Variants in DIXDC1 observed in about 807,000 individuals in gnomAD.
DIXDC1 encodes the protein dixin.
A neutral mutation model predicts 103.1 loss-of-function variants in DIXDC1; 64 were observed. The observed-to-expected ratio is 0.62, with a 90% confidence interval of 0.51 to 0.76. The LOEUF (loss-of-function observed/expected upper bound fraction) is 0.76, where lower values mean the gene tolerates loss of function less well. DIXDC1 is among the 30% of genes least tolerant of loss of function. The pLI, the probability that DIXDC1 is intolerant of heterozygous loss-of-function variation, is 0.00. For synonymous variants in DIXDC1, 266 were observed against 298.5 expected (o/e 0.89, Z 1.12); for missense variants, 759 against 834.2 (o/e 0.91, Z 1.11).
chr11:111,993,059 C>A, intron 12 of DIXDC1, 55 bp downstream of exon 12: 2 of 1,523,764 alleles, frequency 1.3e-6, no homozygotes, highest in Non-Finnish European at 1.8e-6. Context: ...ATGAACAGCC[C>A]GTTATTGTTG....
chr11:111,953,245 T>C (rs868962664), intron 1 of DIXDC1, among the ~76,000 whole-genome samples: 2 of 152,076 alleles, frequency 1.3e-5, no homozygotes, highest in South Asian at 2.1e-4. Context: ...TACATGGGAA[T>C]GCGGTGGAAA....
At position 111,995,491 on chromosome 11, in the gene DIXDC1, G is replaced by C; in HGVS notation, c.1616G>C (p.Ser539Thr). ...GHDPQHHTID[S>T]LEQGISSLME... ...GATCCTCAGCACCACACTATTGACA[G>C]CTTGGAGCAGGGCATTTCTAGCCTC... The change falls in exon 16 of 20, where the codon AGC becomes ACC. Residue 539 changes from serine to threonine, a missense_variant. By Grantham distance (58) the Ser-to-Thr change is moderately conservative (BLOSUM62 1). Transcript: ENST00000440460. 1 of 1,614,002 alleles carries C rather than the reference G, an allele frequency of 6.2e-7. No homozygotes were observed. Among genetic ancestry groups the C allele is most frequent in the Admixed American group, 1.7e-5 (1 of 60,022 alleles).
chr11:111,987,565 CT>C (rs1555174016), intron 9 of DIXDC1, among the ~76,000 whole-genome samples: 1 of 151,608 alleles, frequency 6.6e-6, no homozygotes, highest in East Asian at 1.9e-4. Flanking sequence ...TCAGTGATTC[CT>C]AGCTTTTCTT....
chr11:111,987,660 A>ATT (rs11397376), intron 9 of DIXDC1, among the ~76,000 whole-genome samples: 2,951 of 139,214 alleles, frequency 0.021, 128 homozygotes, highest in African/African-American at 0.065. Context: ...ATAGACATGA[A>ATT]TTTTTTTTTT....
chr11:111,929,987 T>C (rs1336920898), intron 2 of DIXDC1: 2 of 1,340,742 alleles, frequency 1.5e-6, no homozygotes, highest in African/African-American at 1.5e-5. Context: ...TCTGGGGATT[T>C]CTCCATCAGG....
chr11:111,974,688 T>C (rs1860041167), intron 4 of DIXDC1, among the ~76,000 whole-genome samples, 188 bp from the exon 5 acceptor site: 1 of 152,162 alleles, frequency 6.6e-6, no homozygotes, highest in Non-Finnish European at 1.5e-5. Context: ...CCTGAGGTGT[T>C]GCACAGGTTG....
intron 2 of DIXDC1, among the ~76,000 whole-genome samples, chr11:111,966,450 C>T (rs1304081988): frequency 2.9e-5 from 4 of 137,484 alleles, no homozygotes; most frequent in Admixed American, 1.6e-4. Flanking sequence ...GTGGCCCAGG[C>T]GGGAGTGCAG....
At chr11:111,946,901 C>T (rs1425860347) in intron 1 of DIXDC1, 5 of 256,510 alleles carry the variant, frequency 1.9e-5, no homozygotes, top group East Asian at 7.7e-5. Flanking sequence ...ATTCTGAGTG[C>T]CTATGGACAC....
chr11:111,972,168 G>T (rs782430916), intron 3 of DIXDC1, among the ~76,000 whole-genome samples: 2 of 152,184 alleles, frequency 1.3e-5, no homozygotes, highest in African/African-American at 2.4e-5. Flanking sequence ...CCTTTTCCAA[G>T]ACTTGTATAT....
intron 1 of DIXDC1, among the ~76,000 whole-genome samples, chr11:111,940,923 A>C (rs1242822213): frequency 6.6e-6 from 1 of 152,200 alleles, no homozygotes; most frequent in Middle Eastern, 3.2e-3. Flanking sequence ...CCAATAACAT[A>C]GAGTCTGTGC....
At chr11:111,946,619 C>G in intron 1 of DIXDC1, 1 of 223,982 alleles carries the variant, frequency 4.5e-6, no homozygotes, top group Non-Finnish European at 9.6e-6. Flanking sequence ...CCTCAGCCTC[C>G]CAAAGTGCTA....
rs1860167653 is a variant in DIXDC1, at chr11:111,977,866, G to C, written c.657-2871G>C. On this transcript the variant is annotated intron_variant, in intron 5 of 19. Coordinates refer to ENST00000440460, the MANE Select transcript of DIXDC1 (RefSeq NM_001037954.4). The surrounding 1 kb of genome is among the most constrained non-coding windows in gnomAD (Gnocchi z 6.1). The stretch of plus-strand genomic sequence containing the variant: ...AACAGGGGCAGGGCTGGAGGATGCT[G>C]TTGGCCGGAGACAGGCGGGGTGGTG... 5 of 1,475,464 alleles carry C rather than the reference G, an allele frequency of 3.4e-6. No individual in the cohort carries two copies. Among genetic ancestry groups the C allele is most frequent in the Non-Finnish European group, 4.5e-6 (5 of 1,111,188 alleles). 91.4% of individuals were successfully genotyped at this position (1,475,464 alleles called of 1,614,324 possible). A position where few individuals can be genotyped will look rare whatever the true frequency, so the allele number is the denominator to read the frequency against.
In DIXDC1 at chr11:112,017,600, G is replaced by C; in HGVS notation, c.1863-177G>C. The stretch of plus-strand genomic sequence containing the variant: ...TATTTAATACTGTTTTCATTCCCTA[G>C]TGATGACTGGTTCTCCAGCCTCTGC... On this transcript the variant is annotated intron_variant, in intron 18 of 19. Coordinates refer to ENST00000440460, the MANE Select transcript of DIXDC1 (RefSeq NM_001037954.4). The surrounding 1 kb of genome is among the most constrained non-coding windows in gnomAD (Gnocchi z 4.0). 2.0e-6 allele frequency: 1 copy of C among 490,008 alleles called. No individual in the cohort carries two copies. Among genetic ancestry groups the C allele is most frequent in the East Asian group, 3.4e-5 (1 of 29,392 alleles). 30.4% of individuals were successfully genotyped at this position (490,008 alleles called of 1,614,324 possible). A position where few individuals can be genotyped will look rare whatever the true frequency, so the allele number is the denominator to read the frequency against.
intron 1 of DIXDC1, among the ~76,000 whole-genome samples, chr11:111,928,801 GT>G (rs1449678488): frequency 6.6e-6 from 1 of 152,012 alleles, no homozygotes; most frequent in Non-Finnish European, 1.5e-5. Context: ...CATTAACTCT[GT>G]TTTCAAAGAT....
At chr11:111,938,894 A>G (rs1966313488) in intron 1 of DIXDC1, among the ~76,000 whole-genome samples, 2 of 152,232 alleles carry the variant, frequency 1.3e-5, no homozygotes, top group Non-Finnish European at 2.9e-5. Context: ...AGGGCACCTC[A>G]TCTTTGCATC....
intron 17 of DIXDC1, among the ~76,000 whole-genome samples, chr11:112,003,207 G>A (rs35823624): frequency 0.31 from 47,058 of 151,992 alleles, 8,308 homozygotes; most frequent in East Asian, 0.58. Context: ...TTATTGTATA[G>A]TTTGAAATAG....
At position 111,989,792 on chromosome 11, in the gene DIXDC1, C is replaced by CT. The variant is rs1389169599; in HGVS notation, c.1113+751dup. ...ATCTAGTTCTCTTTCCTAGAGGCAT[C>CT]TTTTTTTTTTTTTTGAAACGGAGTC... On this transcript the variant is annotated intron_variant, in intron 10 of 19. Coordinates refer to ENST00000440460, the MANE Select transcript of DIXDC1 (RefSeq NM_001037954.4). 5.2e-3 allele frequency among the ~76,000 whole-genome samples: 744 copies of CT among 143,020 alleles called. 2 individuals carry two copies. The highest frequency in any genetic ancestry group is 0.015 in the African/African-American group (591 of 39,292). 93.8% of individuals were successfully genotyped at this position (143,020 alleles called of 152,430 possible).
At position 111,937,505 on chromosome 11, in the gene DIXDC1, A is replaced by T; in HGVS notation, c.6A>T (p.Leu2=). Residue 2 remains leucine, a synonymous_variant, in exon 1 of 20, where the codon CTA becomes CTT. Coordinates refer to ENST00000440460, the MANE Select transcript of DIXDC1 (RefSeq NM_001037954.4). M[L]ACLTRGNLLD... ...GGGAGCCCCCAGCAGGAACAATGCT[A>T]GCCTGCCTGACCCGAGGGAACTTAC... 1 of 1,590,466 alleles carries T rather than the reference A, an allele frequency of 6.3e-7. No homozygotes were observed. Among genetic ancestry groups the T allele is most frequent in the Non-Finnish European group, 8.6e-7 (1 of 1,168,914 alleles).
In DIXDC1 at chr11:111,977,614, C is replaced by A; in HGVS notation, c.656+2631C>A. On this transcript the variant is annotated intron_variant, in intron 5 of 19. Coordinates refer to ENST00000440460, the MANE Select transcript of DIXDC1 (RefSeq NM_001037954.4). This position sits in a 1 kb window ranked among gnomAD's most constrained non-coding sequence, Gnocchi z 6.1. ...CCGCCGCCGTTCCCGCTTTCTCCCGCGAGCCGGGCCAGTAGCTTTGCTAGC... is the reference window on the plus strand; with the variant it reads ...CCGCCGCCGTTCCCGCTTTCTCCCGAGAGCCGGGCCAGTAGCTTTGCTAGC... 1 of 1,520,270 alleles carries A rather than the reference C, an allele frequency of 6.6e-7. No individual in the cohort carries two copies. Among genetic ancestry groups the A allele is most frequent in the Admixed American group, 2.2e-5 (1 of 44,998 alleles). 94.2% of individuals were successfully genotyped at this position (1,520,270 alleles called of 1,614,324 possible).
Sources: gnomAD v4.1 joint callset for allele counts (sites outside exome capture counted in the v4.1 genomes callset) on GRCh38, gnomAD v4.1.1 for gene constraint, Gnocchi (gnomAD v3.1) non-coding constraint, MANE v1.5 for transcripts, NCBI Gene and HGNC (gene_info 2026-07-23, HGNC 2026-07-21) for gene names.